CFAP299: variants seen among roughly 807,000 people sequenced by gnomAD.
CFAP299 encodes the protein cilia and flagella associated protein 299.
In CFAP299, 21 loss-of-function variants were observed where a neutral mutation model predicts 27.0. The ratio of observed to expected loss-of-function variants is 0.78; its 90% confidence interval spans 0.55 to 1.12. The LOEUF (loss-of-function observed/expected upper bound fraction) is 1.12, where lower values mean the gene tolerates loss of function less well. Among genes scored for constraint, CFAP299 ranks in the 50% most tolerant of loss-of-function variants. The probability of loss-of-function intolerance (pLI) is 0.00; values close to 1 mark genes in which losing one functional copy is unlikely to be tolerated. For synonymous variants in CFAP299, 104 were observed against 98.1 expected, an observed-to-expected ratio of 1.06 and a Z score of -0.36; for missense variants, 310 against 276.6, an observed-to-expected ratio of 1.12 and a Z score of -0.86.
At chr4:80,951,883 A>G (rs532390879) in intron 5 of CFAP299, among the ~76,000 whole-genome samples, 1 of 152,356 alleles carries the variant, frequency 6.6e-6, no homozygotes, top group Admixed American at 6.5e-5. Flanking sequence ...TAGAAAGCAC[A>G]GACCATATAC....
At chr4:80,568,173 A>G (rs955570109) in intron 2 of CFAP299, among the ~76,000 whole-genome samples, 1 of 151,912 alleles carries the variant, frequency 6.6e-6, no homozygotes, top group Non-Finnish European at 1.5e-5. Flanking sequence ...ATCAATTAAT[A>G]TTATACAAAC....
intron 4 of CFAP299, among the ~76,000 whole-genome samples, chr4:80,916,296 T>TATATATATATATATATATATATA (rs1578236267): frequency 6.1e-5 from 8 of 130,706 alleles, no homozygotes; most frequent in African/African-American, 8.6e-5. Context: ...TATATATATA[T>TATATATATATATATATATATATA]TTCAGGTACA....
At chr4:80,905,470 T>G (rs539356799) in intron 4 of CFAP299, among the ~76,000 whole-genome samples, 1 of 152,192 alleles carries the variant, frequency 6.6e-6, no homozygotes, top group East Asian at 1.9e-4. Flanking sequence ...AATTGATATT[T>G]TTTTTAAAAA....
chr4:80,704,627 A>T (rs1560708785), intron 3 of CFAP299, among the ~76,000 whole-genome samples: 1 of 151,804 alleles, frequency 6.6e-6, no homozygotes, highest in Admixed American at 6.6e-5. Flanking sequence ...CAGTGTTATC[A>T]TTGGCAAAAG....
chr4:80,907,774 A>G (rs893086077), intron 4 of CFAP299, among the ~76,000 whole-genome samples: 33 of 152,270 alleles, frequency 2.2e-4, no homozygotes, highest in South Asian at 2.1e-3. Context: ...GGGAACTACA[A>G]TTCAAGGTGA....
chr4:80,948,651 G>C (rs954054097), intron 5 of CFAP299, among the ~76,000 whole-genome samples: 2 of 151,978 alleles, frequency 1.3e-5, no homozygotes, highest in African/African-American at 4.8e-5. Context: ...AAGAAAGAGA[G>C]AGAGAGAGAT....
At chr4:80,843,448 A>G (rs554064258) in intron 3 of CFAP299, among the ~76,000 whole-genome samples, 1 of 152,130 alleles carries the variant, frequency 6.6e-6, no homozygotes, top group East Asian at 1.9e-4. Flanking sequence ...CGTGGTGTAT[A>G]TGTGCCACAT....
At chr4:80,586,848 A>G (rs1482451643) in intron 3 of CFAP299, among the ~76,000 whole-genome samples, 3 of 152,174 alleles carry the variant, frequency 2.0e-5, no homozygotes, top group Admixed American at 1.3e-4. Flanking sequence ...TTCCCACTGA[A>G]TGTTGACTAT....
rs955653857 is a variant in CFAP299 at position 80,817,639 on chromosome 4, A to T, written c.334-52354A>T. Among the ~76,000 whole-genome samples the T allele has an allele frequency of 3.3e-5, 5 of 152,100 alleles. No individual in the cohort carries two copies. In the East Asian group the frequency reaches 9.6e-4, roughly 29 times the overall value. Reference sequence around the variant, plus strand: ...ATGAGAGCAGGTACCATCATCAATGATTCACATTTAGGACAAATTTAGCAC... The same window carrying T: ...ATGAGAGCAGGTACCATCATCAATGTTTCACATTTAGGACAAATTTAGCAC... On this transcript the variant is annotated intron_variant, in intron 3 of 5. Transcript: ENST00000358105.
chr4:80,924,532 GTGTGTGTATA>G (rs1400304124), intron 4 of CFAP299, among the ~76,000 whole-genome samples: 9 of 142,292 alleles, frequency 6.3e-5, no homozygotes, highest in African/African-American at 1.3e-4. Flanking sequence ...GTGTGTGTGT[GTGTGTGTATA>G]TATATATATA....
intron 2 of CFAP299, among the ~76,000 whole-genome samples, chr4:80,496,230 A>C (rs1037274295): frequency 1.3e-5 from 2 of 152,162 alleles, no homozygotes; most frequent in East Asian, 3.8e-4. Context: ...TTTTAAATAT[A>C]AGTTCCAACT....
At chr4:80,828,020 A>G (rs1730080540) in intron 3 of CFAP299, among the ~76,000 whole-genome samples, 1 of 152,080 alleles carries the variant, frequency 6.6e-6, no homozygotes, top group Admixed American at 6.6e-5. Flanking sequence ...TGAAAACTAC[A>G]AAGCATTTCT....
At chr4:80,629,798 G>T (rs1329576579) in intron 3 of CFAP299, among the ~76,000 whole-genome samples, 1 of 151,198 alleles carries the variant, frequency 6.6e-6, no homozygotes, top group Non-Finnish European at 1.5e-5. Context: ...GAGAATCGCT[G>T]GAGCCAGGGA....
chr4:80,350,477 A>G (rs1015545286), intron 1 of CFAP299, among the ~76,000 whole-genome samples: 1 of 152,198 alleles, frequency 6.6e-6, no homozygotes, highest in Non-Finnish European at 1.5e-5. Flanking sequence ...ATAAAGACAC[A>G]TGCACATATA....
chr4:80,484,761 A>G (rs1183797994), intron 2 of CFAP299, among the ~76,000 whole-genome samples: 6 of 152,150 alleles, frequency 3.9e-5, no homozygotes, highest in Non-Finnish European at 8.8e-5. Context: ...AATAATAAGA[A>G]CTTAGTACAG....
At chr4:80,799,466 T>A (rs1177040948) in intron 3 of CFAP299, among the ~76,000 whole-genome samples, 2 of 89,660 alleles carry the variant, frequency 2.2e-5, no homozygotes, top group Non-Finnish European at 3.8e-5. Flanking sequence ...TAATATATTT[T>A]ATAAATATAT....
chr4:80,761,256 A>G (rs1349144082), intron 3 of CFAP299, among the ~76,000 whole-genome samples: 1 of 152,134 alleles, frequency 6.6e-6, no homozygotes, highest in Non-Finnish European at 1.5e-5. Context: ...GTATAACATA[A>G]ACAAGAACAT....
intron 3 of CFAP299, among the ~76,000 whole-genome samples, chr4:80,800,413 AT>A (rs1728406224): frequency 1.5e-5 from 1 of 68,652 alleles, no homozygotes; most frequent in African/African-American, 6.4e-5. Context: ...ATATTGATAT[AT>A]TAATATAATA....
intron 2 of CFAP299, among the ~76,000 whole-genome samples, chr4:80,496,442 T>G (rs918262895): frequency 6.6e-6 from 1 of 152,214 alleles, no homozygotes; most frequent in Non-Finnish European, 1.5e-5. Flanking sequence ...TGACCTTTGC[T>G]CCAGTTCCCA....
Sources: allele counts gnomAD v4.1 joint callset (sites outside exome capture counted in the v4.1 genomes callset), GRCh38; gene constraint gnomAD v4.1.1; transcripts MANE v1.5; gene names NCBI Gene and HGNC (gene_info 2026-07-23, HGNC 2026-07-21).